MPPE1: variants seen among roughly 807,000 people sequenced by gnomAD.
The protein encoded by MPPE1 is metallo phosphoesterase.
MPPE1 carries 28 observed loss-of-function variants against 43.8 expected under a neutral mutation model. The ratio of observed to expected loss-of-function variants is 0.64; its 90% CI spans 0.47 to 0.88. MPPE1 has a LOEUF of 0.88. MPPE1 is among the 40% of genes least tolerant of loss of function. The pLI is 0.00. For missense variants in MPPE1, 428 were observed against 492.2 expected (o/e 0.87, Z 1.23); for synonymous variants, 159 against 188.5 (o/e 0.84, Z 1.28).
Position 11,882,879 on chromosome 18 carries a change from C to G in MPPE1, c.*1566G>C, listed in dbSNP as rs1370394414. Reference sequence around the variant, plus strand: ...AGCCTCAAACATTATGACACACCAACAATATCTAGAAAGTAAGAACTGGTG... The same window carrying G: ...AGCCTCAAACATTATGACACACCAAGAATATCTAGAAAGTAAGAACTGGTG... On this transcript the variant is annotated 3_prime_UTR_variant, in exon 11 of 11. Coordinates refer to ENST00000588072, the MANE Select transcript of MPPE1 (RefSeq NM_023075.6). The G allele has an allele frequency of 6.6e-6, 1 of 152,126 alleles. No homozygotes were observed. The highest frequency in any genetic ancestry group is 1.5e-5 in the Non-Finnish European group (1 of 68,014). The allele number at this position is 152,126 out of a possible 1,614,324, so 9.4% of individuals were successfully genotyped here. A position where few individuals can be genotyped will look rare whatever the true frequency, so the allele number is the denominator to read the frequency against.
intron 2 of MPPE1, among the ~76,000 whole-genome samples, chr18:11,903,252 C>G (rs1188553430): frequency 6.6e-6 from 1 of 152,090 alleles, no homozygotes; most frequent in Non-Finnish European, 1.5e-5. Flanking sequence ...AATGCAGATG[C>G]CAGAGAGGGG....
At chr18:11,903,457 G>A (rs903750191) in intron 2 of MPPE1, among the ~76,000 whole-genome samples, 1 of 152,186 alleles carries the variant, frequency 6.6e-6, no homozygotes, top group Non-Finnish European at 1.5e-5. Context: ...ATGGAGAAGG[G>A]AGGGGTGCAA....
intron 4 of MPPE1, chr18:11,891,059 C>A (rs1263577817): frequency 6.6e-6 from 1 of 151,490 alleles, no homozygotes; most frequent in Non-Finnish European, 1.5e-5. Context: ...ACAAAAAAAA[C>A]CTCTATTCTA....
chr18:11,889,871 C>G (rs1187878236), intron 4 of MPPE1, among the ~76,000 whole-genome samples: 1 of 151,342 alleles, frequency 6.6e-6, no homozygotes, highest in Non-Finnish European at 1.5e-5. Context: ...CGCACCCAGC[C>G]AATGATCCCT....
At chr18:11,897,391 C>T in intron 2 of MPPE1, 35 bp from the exon 3 acceptor site, 7 of 848,126 alleles carry the variant, frequency 8.3e-6, no homozygotes, top group Non-Finnish European at 1.3e-5. Context: ...GTTATGTTCC[C>T]TAATAATACA....
At chr18:11,899,411 CT>C (rs1171833987) in intron 2 of MPPE1, among the ~76,000 whole-genome samples, 1 of 152,182 alleles carries the variant, frequency 6.6e-6, no homozygotes, top group Non-Finnish European at 1.5e-5. Flanking sequence ...TCTGGATGGC[CT>C]TCTTTTATAA....
chr18:11,907,067 G>C (rs919422101), intron 1 of MPPE1, among the ~76,000 whole-genome samples: 5 of 152,052 alleles, frequency 3.3e-5, no homozygotes, highest in African/African-American at 9.7e-5. Flanking sequence ...GCCATGATGG[G>C]AAGTGGGGGT....
chr18:11,890,562 A>G (rs1215894082), intron 4 of MPPE1, among the ~76,000 whole-genome samples: 5 of 151,954 alleles, frequency 3.3e-5, no homozygotes, highest in African/African-American at 4.8e-5. Context: ...CACCTGCCTC[A>G]GCCTCCCAAA....
intron 2 of MPPE1, among the ~76,000 whole-genome samples, chr18:11,899,951 C>A (rs550881207): frequency 6.6e-6 from 1 of 152,180 alleles, no homozygotes; most frequent in East Asian, 1.9e-4. Flanking sequence ...GTGGCTCACC[C>A]CTGTAATCCC....
chr18:11,904,315 A>ATTT (rs762811699), intron 2 of MPPE1, among the ~76,000 whole-genome samples: 1 of 86,718 alleles, frequency 1.2e-5, no homozygotes, highest in African/African-American at 1.1e-4. Flanking sequence ...TTTTTTATTT[A>ATTT]TTTATTTATT....
chr18:11,904,289 C>G (rs2039484599), intron 2 of MPPE1, among the ~76,000 whole-genome samples: 1 of 151,936 alleles, frequency 6.6e-6, no homozygotes, highest in Non-Finnish European at 1.5e-5. Flanking sequence ...AAGCAGCTAT[C>G]TGGTATAACA....
At position 11,883,473 on chromosome 18, in the gene MPPE1, T is replaced by C. The variant is rs957829971; in HGVS notation, c.*972A>G. ...AGAAAAAAAACAAAAAGAATAACTT[T>C]TATCTGGCTTACAATTATTAAAGCA... On this transcript the variant is annotated 3_prime_UTR_variant, in exon 11 of 11. Transcript: ENST00000588072. The C allele has an allele frequency of 6.5e-5, 10 of 153,542 alleles. No individual in the cohort carries two copies. Among genetic ancestry groups the C allele is most frequent in the African/African-American group, 2.4e-4 (10 of 41,466 alleles). 9.5% of individuals were successfully genotyped at this position (153,542 alleles called of 1,614,324 possible). A position where few individuals can be genotyped will look rare whatever the true frequency, so the allele number is the denominator to read the frequency against.
At chr18:11,884,754 C>A (rs748436663) in intron 10 of MPPE1, 127 bp from the exon 11 acceptor site, 7 of 1,320,590 alleles carry the variant, frequency 5.3e-6, no homozygotes, top group African/African-American at 1.5e-5. Context: ...ACGGGCCCTC[C>A]TCACCTGAGA....
chr18:11,895,523 G>A (rs886520096), intron 3 of MPPE1, among the ~76,000 whole-genome samples: 4 of 148,584 alleles, frequency 2.7e-5, no homozygotes, highest in African/African-American at 7.6e-5. Context: ...ACATTTCTCC[G>A]TTTTTCTTAT....
At chr18:11,894,442 A>C (rs544277295) in intron 3 of MPPE1, among the ~76,000 whole-genome samples, 75 of 151,328 alleles carry the variant, frequency 5.0e-4, no homozygotes, top group Non-Finnish European at 8.9e-4. Flanking sequence ...AAAAAAAAAA[A>C]AAAAAAAAAA....
chr18:11,893,398 C>T, intron 4 of MPPE1, 70 bp downstream of exon 4: 3 of 1,075,066 alleles, frequency 2.8e-6, no homozygotes, highest in Non-Finnish European at 4.3e-6. Context: ...GACACTGATT[C>T]GTGGATTCTC....
chr18:11,891,643 C>T (rs1344791409), intron 4 of MPPE1, among the ~76,000 whole-genome samples: 8 of 152,196 alleles, frequency 5.3e-5, no homozygotes, highest in African/African-American at 1.9e-4. Flanking sequence ...TAATTATAGC[C>T]TAGATAATAA....
At chr18:11,904,243 T>C (rs1567978658) in intron 2 of MPPE1, among the ~76,000 whole-genome samples, 1 of 152,126 alleles carries the variant, frequency 6.6e-6, no homozygotes, top group Non-Finnish European at 1.5e-5. Context: ...CTGGCACTGT[T>C]ACATATTTTC....
At position 11,884,263 on chromosome 18, in the gene MPPE1, T is replaced by A; in HGVS notation, c.*182A>T. On this transcript the variant is annotated 3_prime_UTR_variant, in exon 11 of 11. Transcript: ENST00000588072. ...TTTGTTGTAGAGTACCTGTCCACTTTTATAGCATGAGAACAGTACAATCAA... is the reference window on the plus strand; with the variant it reads ...TTTGTTGTAGAGTACCTGTCCACTTATATAGCATGAGAACAGTACAATCAA... 1 of 605,662 alleles carries A rather than the reference T, an allele frequency of 1.7e-6. No homozygotes were observed. Among genetic ancestry groups the A allele is most frequent in the Non-Finnish European group, 2.9e-6 (1 of 345,816 alleles). 37.5% of individuals were successfully genotyped at this position (605,662 alleles called of 1,614,324 possible). A position where few individuals can be genotyped will look rare whatever the true frequency, so the allele number is the denominator to read the frequency against.
Sources: gnomAD v4.1 joint callset for allele counts (sites outside exome capture counted in the v4.1 genomes callset) on GRCh38, gnomAD v4.1.1 for gene constraint, MANE v1.5 for transcripts, NCBI Gene and HGNC (gene_info 2026-07-23, HGNC 2026-07-21) for gene names.